The following LHFPL3 variants were observed in gnomAD, a reference collection of about 807,000 sequenced individuals.
The protein encoded by LHFPL3 is LHFPL tetraspan subfamily member 3 protein.
A neutral mutation model predicts 19.3 loss-of-function variants in LHFPL3; 5 were observed. The ratio of observed to expected loss-of-function variants is 0.26; its 90% CI spans 0.14 to 0.54. LHFPL3 has a LOEUF of 0.54. Among genes scored for constraint, LHFPL3 ranks in the 20% least tolerant of loss-of-function variants. The probability of loss-of-function intolerance (pLI) is 0.94; values close to 1 mark genes in which losing one functional copy is unlikely to be tolerated. For synonymous variants in LHFPL3, 133 were observed against 126.2 expected (o/e 1.05, Z -0.36); for missense variants, 249 against 307.4 (o/e 0.81, Z 1.42).
intron 1 of LHFPL3, among the ~76,000 whole-genome samples, chr7:104,503,130 C>T (rs970264445): frequency 1.3e-5 from 2 of 150,754 alleles, no homozygotes; most frequent in African/African-American, 4.9e-5. Context: ...TAGTAACAAC[C>T]AAAATACCTC....
intron 2 of LHFPL3, among the ~76,000 whole-genome samples, chr7:104,838,232 C>A (rs73417643): frequency 6.6e-6 from 1 of 152,094 alleles, no homozygotes; most frequent in Non-Finnish European, 1.5e-5. Flanking sequence ...CCACACCTGC[C>A]CTCTCTAACT....
At chr7:104,485,380 T>A (rs983464725) in intron 1 of LHFPL3, among the ~76,000 whole-genome samples, 1 of 152,146 alleles carries the variant, frequency 6.6e-6, no homozygotes, top group Non-Finnish European at 1.5e-5. Flanking sequence ...GACTGTCCTT[T>A]GGTCTTTATT....
chr7:104,527,724 A>G (rs1794217400), intron 1 of LHFPL3, among the ~76,000 whole-genome samples: 1 of 152,184 alleles, frequency 6.6e-6, no homozygotes, highest in Non-Finnish European at 1.5e-5. Flanking sequence ...AGACCCAAGA[A>G]GGACCCTTTG....
chr7:104,889,797 T>C (rs907945815), intron 2 of LHFPL3, among the ~76,000 whole-genome samples: 2 of 152,184 alleles, frequency 1.3e-5, no homozygotes, highest in South Asian at 2.1e-4. Context: ...AGAATTTCAG[T>C]GGATAAATTA....
At chr7:104,380,619 A>G (rs1790808670) in intron 1 of LHFPL3, among the ~76,000 whole-genome samples, 1 of 152,176 alleles carries the variant, frequency 6.6e-6, no homozygotes, top group African/African-American at 2.4e-5. Context: ...AGTAAGGAGA[A>G]AAAAGTTTCC....
intron 2 of LHFPL3, among the ~76,000 whole-genome samples, chr7:104,791,008 A>C (rs181657239): frequency 6.6e-6 from 1 of 152,294 alleles, no homozygotes; most frequent in East Asian, 1.9e-4. Flanking sequence ...TTTCTGGGAG[A>C]TCTTCCACAA....
At chr7:104,674,767 G>A (rs1270197293) in intron 1 of LHFPL3, among the ~76,000 whole-genome samples, 1 of 152,148 alleles carries the variant, frequency 6.6e-6, no homozygotes, top group African/African-American at 2.4e-5. Flanking sequence ...ATACTTCAGG[G>A]AACATCATAA....
At chr7:104,375,486 GAT>G (rs1186444047) in intron 1 of LHFPL3, among the ~76,000 whole-genome samples, 1 of 152,166 alleles carries the variant, frequency 6.6e-6, no homozygotes, top group African/African-American at 2.4e-5. Flanking sequence ...AGCACATTAA[GAT>G]ATTAGAGGTT....
chr7:104,531,996 C>T (rs1794303630), intron 1 of LHFPL3, among the ~76,000 whole-genome samples: 1 of 152,194 alleles, frequency 6.6e-6, no homozygotes, highest in African/African-American at 2.4e-5. Context: ...GGCCGTGATT[C>T]CTTCTAGGTT....
At chr7:104,835,869 A>G (rs1266952885) in intron 2 of LHFPL3, among the ~76,000 whole-genome samples, 1 of 151,950 alleles carries the variant, frequency 6.6e-6, no homozygotes, top group Non-Finnish European at 1.5e-5. Flanking sequence ...ACCTGTCACC[A>G]AGGTTTTAAG....
intron 2 of LHFPL3, among the ~76,000 whole-genome samples, chr7:104,808,753 G>A (rs1790413919): frequency 1.3e-5 from 2 of 152,014 alleles, no homozygotes; most frequent in Admixed American, 1.3e-4. Flanking sequence ...GAGTCTAACA[G>A]GTAAATAACA....
At chr7:104,585,445 A>G (rs1248047348) in intron 1 of LHFPL3, among the ~76,000 whole-genome samples, 1 of 148,596 alleles carries the variant, frequency 6.7e-6, no homozygotes, top group African/African-American at 2.5e-5. Flanking sequence ...GCAGCTAATG[A>G]TGAAAGTGGA....
At chr7:104,699,676 A>C (rs1027033292) in intron 1 of LHFPL3, among the ~76,000 whole-genome samples, 8 of 152,194 alleles carry the variant, frequency 5.3e-5, no homozygotes, top group Admixed American at 6.5e-5. Flanking sequence ...CTGTATACTT[A>C]ATGATTAAAA....
At chr7:104,701,533 A>G (rs1793100858) in intron 1 of LHFPL3, among the ~76,000 whole-genome samples, 1 of 152,228 alleles carries the variant, frequency 6.6e-6, no homozygotes, top group Admixed American at 6.5e-5. Context: ...GTGGAAGCAG[A>G]TCATTCTAAA....
Position 104,668,043 on chromosome 7 carries a change from T to G in LHFPL3, c.446-68632T>G, listed in dbSNP as rs1012638527. ...TCCCAAATCGCCACCCTACACTGCTTTTCTAGGAAACCTACCCTATGATGT... is the reference window on the plus strand; with the variant it reads ...TCCCAAATCGCCACCCTACACTGCTGTTCTAGGAAACCTACCCTATGATGT... On this transcript the variant is annotated intron_variant, in intron 1 of 2. Transcript: ENST00000424859. 14 of 1,613,660 alleles carry G rather than the reference T, an allele frequency of 8.7e-6. 1 individual carries two copies. The East Asian group carries it at 1.1e-4, about 13-fold the overall frequency.
At chr7:104,669,626 T>C in intron 1 of LHFPL3, 2 of 1,515,750 alleles carry the variant, frequency 1.3e-6, no homozygotes. Flanking sequence ...CCTGGAACAT[T>C]CGAGAGCAAA....
intron 1 of LHFPL3, among the ~76,000 whole-genome samples, chr7:104,396,670 G>A (rs1251330455): frequency 1.3e-5 from 2 of 151,502 alleles, no homozygotes; most frequent in Non-Finnish European, 2.9e-5. Flanking sequence ...TAAAAAGTGT[G>A]CAGAGGGCAG....
At chr7:104,671,640 A>G (rs1423284239) in intron 1 of LHFPL3, among the ~76,000 whole-genome samples, 4 of 151,976 alleles carry the variant, frequency 2.6e-5, no homozygotes, top group African/African-American at 9.7e-5. Flanking sequence ...TCATATAGTG[A>G]TATCACATTC....
chr7:104,370,510 C>T (rs577408033), intron 1 of LHFPL3, among the ~76,000 whole-genome samples: 15 of 152,194 alleles, frequency 9.9e-5, no homozygotes, highest in Non-Finnish European at 7.4e-5. Flanking sequence ...AAAGAGAGTA[C>T]TGGAGGGGTG....
Sources: allele counts gnomAD v4.1 joint callset (sites outside exome capture counted in the v4.1 genomes callset), GRCh38; gene constraint gnomAD v4.1.1; transcripts MANE v1.5; gene names NCBI Gene and HGNC (gene_info 2026-07-23, HGNC 2026-07-21).